Variants in ARMH3 observed in about 807,000 individuals in gnomAD.
ARMH3 encodes armadillo-like helical domain-containing protein 3.
In ARMH3, 60 loss-of-function variants were observed where a neutral mutation model predicts 99.1. The observed-to-expected ratio is 0.61, with a 90% confidence interval of 0.49 to 0.75. ARMH3 has a LOEUF of 0.75. ARMH3 is among the 30% of genes least tolerant of loss of function. The pLI is 0.00. For missense variants in ARMH3, 679 were observed against 843.1 expected (o/e 0.81, Z 2.41); for synonymous variants, 285 against 292.8 (o/e 0.97, Z 0.27).
chr10:101,975,226 C>A lies in ARMH3; in HGVS notation c.1481G>T (p.Arg494Leu). 6.2e-7 allele frequency: 1 copy of A among 1,611,822 alleles called. No individual in the cohort carries two copies. Among genetic ancestry groups the A allele is most frequent in the South Asian group, 1.1e-5 (1 of 90,996 alleles). The change falls in exon 20 of 26, where the codon CGG becomes CTG. Residue 494 changes from arginine to leucine, a missense_variant. Coordinates refer to ENST00000370033, the MANE Select transcript of ARMH3 (RefSeq NM_024541.3). ...KCRVRLHYTW[R>L]ELWSALINLL... The stretch of plus-strand genomic sequence containing the variant: ...GAGAAAGTTACCTGACCAGAGCTCC[C>A]GCCAGGTGTAATGCAGGCGTACCCG...
chr10:101,858,595 A>G (rs1476093536), intron 24 of ARMH3, among the ~76,000 whole-genome samples: 1 of 152,164 alleles, frequency 6.6e-6, no homozygotes, highest in East Asian at 1.9e-4. Flanking sequence ...TCCATAAATA[A>G]AAAAATTCCT....
intron 23 of ARMH3, among the ~76,000 whole-genome samples, chr10:101,911,567 T>G (rs1278539273): frequency 6.6e-6 from 1 of 152,076 alleles, no homozygotes; most frequent in African/African-American, 2.4e-5. Flanking sequence ...CAAGACTCCA[T>G]CTCTAAAAAA....
intron 1 of ARMH3, among the ~76,000 whole-genome samples, chr10:102,053,602 C>T (rs1387859880): frequency 7.9e-5 from 12 of 152,074 alleles, no homozygotes; most frequent in Non-Finnish European, 1.3e-4. Flanking sequence ...TATCTCCCCC[C>T]TGCAAAGATT....
intron 22 of ARMH3, among the ~76,000 whole-genome samples, chr10:101,941,228 C>T (rs921577136): frequency 2.6e-5 from 4 of 152,080 alleles, no homozygotes; most frequent in African/African-American, 4.8e-5. Flanking sequence ...AAGTCCAGCC[C>T]CTACCACCTA....
chr10:101,947,948 A>AAT (rs1255984258), intron 22 of ARMH3, among the ~76,000 whole-genome samples: 1 of 152,130 alleles, frequency 6.6e-6, no homozygotes, highest in East Asian at 1.9e-4. Context: ...AAAAAATACA[A>AAT]ATATAGCCCA....
rs1590151739 is a variant in ARMH3, at chr10:101,994,169, C to T, written c.1210-566G>A. ...CTTACCATGGATTAGTAATAAACAT[C>T]CCTTGGCCCTTTCCCAATACCTTTT... On this transcript the variant is annotated intron_variant, in intron 16 of 25. Transcript: ENST00000370033. Among the ~76,000 whole-genome samples the T allele has an allele frequency of 5.3e-5, 8 of 152,338 alleles. No homozygotes were observed. In the South Asian group the frequency reaches 1.7e-3, roughly 32 times the overall value.
intron 21 of ARMH3, among the ~76,000 whole-genome samples, chr10:101,957,209 A>G (rs1289660153): frequency 6.6e-6 from 1 of 152,232 alleles, no homozygotes; most frequent in African/African-American, 2.4e-5. Flanking sequence ...ATAATATCCT[A>G]AGAAGATAGT....
intron 2 of ARMH3, among the ~76,000 whole-genome samples, chr10:102,035,653 G>A (rs1298533092): frequency 1.3e-5 from 2 of 152,268 alleles, no homozygotes; most frequent in African/African-American, 4.8e-5. Context: ...TGATCCGCCA[G>A]CCTCGGCCTC....
At chr10:101,870,912 C>T (rs1227364427) in intron 24 of ARMH3, among the ~76,000 whole-genome samples, 1 of 151,982 alleles carries the variant, frequency 6.6e-6, no homozygotes, top group Admixed American at 6.6e-5. Flanking sequence ...TGTACTCTAG[C>T]CTGGATGACA....
chr10:101,867,788 C>T (rs971248447), intron 24 of ARMH3, among the ~76,000 whole-genome samples: 10 of 151,542 alleles, frequency 6.6e-5, no homozygotes, highest in African/African-American at 9.7e-5. Context: ...GCAGTGATCA[C>T]GTGAATGCGC....
At chr10:102,007,726 G>A (rs994291684) in intron 13 of ARMH3, among the ~76,000 whole-genome samples, 12 of 149,864 alleles carry the variant, frequency 8.0e-5, no homozygotes, top group African/African-American at 2.9e-4. Flanking sequence ...CCAGCTACTC[G>A]GGAGGCTGAG....
intron 1 of ARMH3, among the ~76,000 whole-genome samples, chr10:102,054,914 C>T (rs1476315652): frequency 1.3e-5 from 2 of 150,840 alleles, no homozygotes; most frequent in Admixed American, 6.6e-5. Context: ...AAGAATCGCT[C>T]GAACCTGGAA....
intron 19 of ARMH3, among the ~76,000 whole-genome samples, chr10:101,982,383 C>CA (rs1846275753): frequency 6.6e-6 from 1 of 151,306 alleles, no homozygotes; most frequent in Non-Finnish European, 1.5e-5. Context: ...AAGACTGTCT[C>CA]AAAAAAAGAA....
chr10:102,012,953 G>A (rs1590182675), intron 9 of ARMH3, 77 bp from the exon 10 acceptor site: 2 of 1,296,270 alleles, frequency 1.5e-6, no homozygotes, highest in Non-Finnish European at 2.2e-6. Flanking sequence ...AACAAGGTCA[G>A]AAAGAACACT....
intron 2 of ARMH3, among the ~76,000 whole-genome samples, chr10:102,037,779 G>GA (rs2067311657): frequency 6.6e-6 from 1 of 151,876 alleles, no homozygotes; most frequent in Admixed American, 6.6e-5. Flanking sequence ...TTAGAGAGGG[G>GA]AGTCTCGATA....
chr10:101,854,920 G>A (rs2135280487), intron 24 of ARMH3, among the ~76,000 whole-genome samples: 1 of 150,340 alleles, frequency 6.7e-6, no homozygotes, highest in African/African-American at 2.5e-5. Context: ...ATTTTATAAT[G>A]AAAGTCTTTC....
intron 14 of ARMH3, among the ~76,000 whole-genome samples, chr10:102,005,516 T>C (rs1012088438): frequency 6.6e-6 from 1 of 151,988 alleles, no homozygotes; most frequent in African/African-American, 2.4e-5. Context: ...TGCCTGGAAA[T>C]GTTACTGCCA....
intron 23 of ARMH3, among the ~76,000 whole-genome samples, chr10:101,919,278 GCCC>G (rs1243348369): frequency 6.6e-6 from 1 of 151,688 alleles, no homozygotes; most frequent in East Asian, 1.9e-4. Flanking sequence ...TTTTCCTTGA[GCCC>G]CCAACAGCCT....
intron 1 of ARMH3, among the ~76,000 whole-genome samples, chr10:102,054,651 T>C (rs2067792846): frequency 6.6e-6 from 1 of 152,180 alleles, no homozygotes; most frequent in South Asian, 2.1e-4. Flanking sequence ...ATATTTACCC[T>C]AGTTTACAAA....
Sources: allele counts gnomAD v4.1 joint callset (sites outside exome capture counted in the v4.1 genomes callset), GRCh38; gene constraint gnomAD v4.1.1; transcripts MANE v1.5; gene names NCBI Gene and HGNC (gene_info 2026-07-23, HGNC 2026-07-21).